MED4: variants seen among roughly 807,000 people sequenced by gnomAD.
MED4 encodes the protein mediator of RNA polymerase II transcription subunit 4.
In MED4, 21 loss-of-function variants were observed where a neutral mutation model predicts 35.0. The ratio of observed to expected loss-of-function variants is 0.60; its 90% CI spans 0.43 to 0.86. MED4 has a LOEUF of 0.86. Ranked by LOEUF, MED4 falls within the 40% of genes least tolerant of loss-of-function variation. The pLI, the probability that MED4 is intolerant of heterozygous loss-of-function variation, is 0.00. For synonymous variants in MED4, 138 were observed against 114.0 expected (o/e 1.21, Z -1.34); for missense variants, 300 against 319.4 (o/e 0.94, Z 0.46).
rs780849391 is a variant in MED4 at position 48,077,252 on chromosome 13, G to C, written c.700C>G (p.Pro234Ala). 6.3e-7 allele frequency: 1 copy of C among 1,587,392 alleles called. No homozygotes were observed. The highest frequency in any genetic ancestry group is 1.2e-5 in the South Asian group (1 of 86,674). ...SNDMSMNMLPPNHSSDFLLEP... is the reference protein window; with the variant it reads ...SNDMSMNMLPANHSSDFLLEP... ...AACAAAAAGTCACTACTATGATTTGGTGGTAACATATTCATCGACATGTCA... is the reference window on the plus strand; with the variant it reads ...AACAAAAAGTCACTACTATGATTTGCTGGTAACATATTCATCGACATGTCA... The change falls in exon 7 of 7, where the codon CCA becomes GCA. Residue 234 changes from proline (P) to alanine (A), a missense_variant. Pro to Ala is a conservative substitution (Grantham distance 27, BLOSUM62 -1). Transcript: ENST00000258648.
chr13:48,079,136 A>C (rs1950785130), intron 6 of MED4, among the ~76,000 whole-genome samples: 1 of 152,206 alleles, frequency 6.6e-6, no homozygotes, highest in Non-Finnish European at 1.5e-5. Context: ...ACTGGGTCTC[A>C]CAGAAATACT....
chr13:48,077,047 T>A lies in MED4; in HGVS notation c.*92A>T. The A allele has an allele frequency of 8.6e-7, 1 of 1,166,170 alleles. No individual in the cohort carries two copies. Among genetic ancestry groups the A allele is most frequent in the Non-Finnish European group, 1.2e-6 (1 of 859,904 alleles). 72.2% of individuals were successfully genotyped at this position (1,166,170 alleles called of 1,614,324 possible). On this transcript the variant is annotated 3_prime_UTR_variant, in exon 7 of 7. Coordinates refer to ENST00000258648, the MANE Select transcript of MED4 (RefSeq NM_014166.4). ...ACCAAAGCCAGTGTTTACCTGGGTATTTTTTGTCACCTGTAGTTTACATTT... is the reference window on the plus strand; with the variant it reads ...ACCAAAGCCAGTGTTTACCTGGGTAATTTTTGTCACCTGTAGTTTACATTT...
Position 48,086,363 on chromosome 13 carries a change from T to G in MED4, c.282A>C (p.Gln94His). 1 of 1,613,852 alleles carries G rather than the reference T, an allele frequency of 6.2e-7. No homozygotes were observed. Residue 94 changes from glutamine (Q) to histidine (H), a missense_variant, in exon 3 of 7, where the codon CAA becomes CAC. By Grantham distance (24) the Gln-to-His change is conservative. Coordinates refer to ENST00000258648, the MANE Select transcript of MED4 (RefSeq NM_014166.4). ...LNQGKIHHEM[Q>H]VLEKEVEKRD... ...TCTTCTCTACTTCTTTTTCTAAAAC[T>G]TGCATTTCATGATGAATTTTTCCCT...
At chr13:48,085,321 A>G (rs924603736) in intron 3 of MED4, among the ~76,000 whole-genome samples, 1 of 151,936 alleles carries the variant, frequency 6.6e-6, no homozygotes, top group Non-Finnish European at 1.5e-5. Context: ...ACAGGCACAC[A>G]CCACCACACC....
At chr13:48,081,852 G>A in intron 4 of MED4, 121 bp from the exon 5 acceptor site, 1 of 523,132 alleles carries the variant, frequency 1.9e-6, no homozygotes, top group Non-Finnish European at 3.2e-6. Flanking sequence ...AATAATCTCA[G>A]TCACCTGCCT....
In MED4 at chr13:48,094,962, G is replaced by C. The variant is rs758101776; in HGVS notation, c.117C>G (p.Val39=). Residue 39 remains valine (V), a synonymous_variant, in exon 1 of 7, where the codon GTC becomes GTG. Coordinates refer to ENST00000258648, the MANE Select transcript of MED4 (RefSeq NM_014166.4). ...RLLSALEDLE[V]LSRELIEMLA... ...CAGGCTCGCCGCATTACCTAGACAG[G>C]ACCTCCAAGTCCTCAAGCGCAGACA... 1.9e-5 allele frequency: 31 copies of C among 1,603,028 alleles called. No homozygotes were observed. In the South Asian group the frequency reaches 3.4e-4, roughly 18 times the overall value.
At chr13:48,085,697 ATTAG>A (rs1950843695) in intron 3 of MED4, among the ~76,000 whole-genome samples, 2 of 152,170 alleles carry the variant, frequency 1.3e-5, no homozygotes, top group African/African-American at 4.8e-5. Context: ...ATCATGTTAT[ATTAG>A]TTAGTATTTA....
intron 2 of MED4, among the ~76,000 whole-genome samples, chr13:48,086,959 T>C (rs535350220): frequency 4.6e-5 from 7 of 151,726 alleles, no homozygotes; most frequent in East Asian, 3.9e-4. Flanking sequence ...GGCAGGAGAA[T>C]TGCATGAGCC....
intron 2 of MED4, among the ~76,000 whole-genome samples, chr13:48,086,703 A>G (rs564261531): frequency 6.6e-6 from 1 of 152,308 alleles, no homozygotes; most frequent in Non-Finnish European, 1.5e-5. Flanking sequence ...AGAACTAGCA[A>G]TATGGCAACA....
chr13:48,095,084 C>G lies in MED4; in HGVS notation c.-6G>C. 1 of 1,602,294 alleles carries G rather than the reference C, an allele frequency of 6.2e-7. No individual in the cohort carries two copies. Among genetic ancestry groups the G allele is most frequent in the East Asian group, 2.2e-5 (1 of 44,868 alleles). ...CCACTCGAAGACGCAGCCATTTTCCCCAGAGTCCCGCCACCGGCGCACGCG... is the reference window on the plus strand; with the variant it reads ...CCACTCGAAGACGCAGCCATTTTCCGCAGAGTCCCGCCACCGGCGCACGCG... On this transcript the variant is annotated 5_prime_UTR_variant, in exon 1 of 7. Coordinates refer to ENST00000258648, the MANE Select transcript of MED4 (RefSeq NM_014166.4).
In MED4 at chr13:48,076,325, G is replaced by A. The variant is rs1437673324; in HGVS notation, c.*814C>T. 1 of 152,134 alleles carries A rather than the reference G, an allele frequency of 6.6e-6. No homozygotes were observed. The highest frequency in any genetic ancestry group is 1.5e-5 in the Non-Finnish European group (1 of 68,004). 9.4% of individuals were successfully genotyped at this position (152,134 alleles called of 1,614,324 possible). On this transcript the variant is annotated 3_prime_UTR_variant, in exon 7 of 7. Transcript: ENST00000258648. ...CCTGGGGAACTGTAAGAAGAGGAAG[G>A]TGAAGGGAAGAAATGGTTGCTTTCC...
In MED4 at chr13:48,081,632, C is replaced by T. The variant is rs150568551; in HGVS notation, c.508+13G>A. Reference sequence around the variant, plus strand: ...ACCACATATATCTAGTATAATAAGACGAGTATGTTTACCTGGAACCCAGGT... The same window carrying T: ...ACCACATATATCTAGTATAATAAGATGAGTATGTTTACCTGGAACCCAGGT... On this transcript the variant is annotated intron_variant, in intron 5 of 6. Transcript: ENST00000258648. 2.0e-4 allele frequency: 317 copies of T among 1,588,798 alleles called. 1 individual carries two copies. The African/African-American group carries it at 3.7e-3, about 18-fold the overall frequency.
chr13:48,086,250 T>C (rs1950847684), intron 3 of MED4, 32 bp downstream of exon 3: 1 of 1,598,056 alleles, frequency 6.3e-7, no homozygotes, highest in African/African-American at 1.4e-5. Context: ...AACATCCTTT[T>C]TAACCTTAAG....
At chr13:48,088,408 TAA>T (rs774851680) in intron 2 of MED4, among the ~76,000 whole-genome samples, 13 of 152,200 alleles carry the variant, frequency 8.5e-5, no homozygotes, top group Admixed American at 2.6e-4. Context: ...TGCCAAATAT[TAA>T]GAGTATTTTA....
chr13:48,082,680 A>G (rs1950818247), intron 4 of MED4, among the ~76,000 whole-genome samples: 1 of 152,182 alleles, frequency 6.6e-6, no homozygotes, highest in Non-Finnish European at 1.5e-5. Flanking sequence ...ACAAAAAATT[A>G]GCCGGGTGTG....
At chr13:48,089,580 CA>C (rs1005682177) in intron 2 of MED4, among the ~76,000 whole-genome samples, 14 of 147,418 alleles carry the variant, frequency 9.5e-5, no homozygotes, top group South Asian at 2.2e-4. Flanking sequence ...ATGTCTCTAC[CA>C]AAAAAAAAAA....
intron 3 of MED4, 66 bp from the exon 4 acceptor site, chr13:48,083,494 T>A: frequency 1.5e-6 from 2 of 1,322,100 alleles, no homozygotes; most frequent in Non-Finnish European, 1.1e-6. Flanking sequence ...GTTTTTGGCT[T>A]AATTCACAAG....
intron 4 of MED4, among the ~76,000 whole-genome samples, chr13:48,082,484 C>T (rs763608632): frequency 6.6e-6 from 1 of 152,206 alleles, no homozygotes; most frequent in African/African-American, 2.4e-5. Flanking sequence ...AGCCATCTCT[C>T]CTAGAGATTT....
At position 48,076,631 on chromosome 13, in the gene MED4, T is replaced by C. The variant is rs1426683648; in HGVS notation, c.*508A>G. 1 of 152,222 alleles carries C rather than the reference T, an allele frequency of 6.6e-6. No homozygotes were observed. The highest frequency in any genetic ancestry group is 2.4e-5 in the African/African-American group (1 of 41,444). The allele number at this position is 152,222 out of a possible 1,614,324, so 9.4% of individuals were successfully genotyped here. A position where few individuals can be genotyped will look rare whatever the true frequency, so the allele number is the denominator to read the frequency against. On this transcript the variant is annotated 3_prime_UTR_variant, in exon 7 of 7. Coordinates refer to ENST00000258648, the MANE Select transcript of MED4 (RefSeq NM_014166.4). ...AAATTACAATTACAAACTGTACAAA[T>C]TGAGACAATTTCCCATGCCTCCAAC...
Sources: allele counts gnomAD v4.1 joint callset (sites outside exome capture counted in the v4.1 genomes callset), GRCh38; gene constraint gnomAD v4.1.1; transcripts MANE v1.5; gene names NCBI Gene and HGNC (gene_info 2026-07-23, HGNC 2026-07-21).